The following ROCK2 variants were observed in gnomAD, a reference collection of about 807,000 sequenced individuals.
The protein encoded by ROCK2 is Rho associated coiled-coil containing protein kinase 2.
ROCK2 carries 61 observed loss-of-function variants against 195.1 expected under a neutral mutation model. The observed-to-expected ratio is 0.31, with a 90% CI of 0.25 to 0.39. The LOEUF (loss-of-function observed/expected upper bound fraction) is 0.39. Among genes scored for constraint, ROCK2 ranks in the 10% least tolerant of loss-of-function variants. The probability of loss-of-function intolerance (pLI) is 1.00; values close to 1 mark genes in which losing one functional copy is unlikely to be tolerated. For missense variants in ROCK2, 1,109 were observed against 1,637.4 expected, an observed-to-expected ratio of 0.68 and a Z score of 5.57; for synonymous variants, 504 against 545.5, an observed-to-expected ratio of 0.92 and a Z score of 1.06.
intron 3 of ROCK2, among the ~76,000 whole-genome samples, chr2:11,283,504 T>C (rs1667082831): frequency 7.4e-6 from 1 of 135,672 alleles, no homozygotes. Flanking sequence ...GAGCTTGCAG[T>C]GAGCCGAGAT....
chr2:11,312,254 C>T (rs112484140), intron 1 of ROCK2, among the ~76,000 whole-genome samples: 2,055 of 152,124 alleles, frequency 0.014, 41 homozygotes, highest in African/African-American at 0.047. Context: ...CTCTAAGCTT[C>T]GTTTTAAAAA....
chr2:11,287,717 AC>A lies in ROCK2; in HGVS notation c.160del (p.Val54SerfsTer4). 1 of 1,328,028 alleles carries A rather than the reference AC, an allele frequency of 7.5e-7. No individual in the cohort carries two copies. 82.3% of individuals were successfully genotyped at this position (1,328,028 alleles called of 1,614,324 possible). On this transcript the variant is annotated frameshift_variant, in exon 2 of 33. Transcript: ENST00000315872. LOFTEE classifies it high-confidence loss of function. ...CAAAGCAGGAAAATCTAAATCAAGGACCAAGGAATTTAAGCCATCCTGTTAA... is the reference window on the plus strand; with the variant it reads ...CAAAGCAGGAAAATCTAAATCAAGGACAAGGAATTTAAGCCATCCTGTTAA... Reference protein sequence around the residue: ...ESLLDGLNSLVLDLDFPALRK... With the variant: ...ESLLDGLNSLXLDLDFPALRK...
intron 23 of ROCK2, 102 bp downstream of exon 23, chr2:11,200,855 T>C: frequency 1.0e-6 from 1 of 1,001,522 alleles, no homozygotes; most frequent in Non-Finnish European, 1.4e-6. Context: ...AGTCAGCATA[T>C]ATAATTTTTC....
In ROCK2 at chr2:11,285,891, C is replaced by A. The variant is rs545588877; in HGVS notation, c.324+648G>T. On this transcript the variant is annotated intron_variant, in intron 3 of 32. Transcript: ENST00000315872. ...GCAATGAAAGGAAAAAAAAGTCTATCATGACTTGTTCTTAACAAAATCCAT... is the reference window on the plus strand; with the variant it reads ...GCAATGAAAGGAAAAAAAAGTCTATAATGACTTGTTCTTAACAAAATCCAT... Among the ~76,000 whole-genome samples, 22 of 152,108 alleles carry A rather than the reference C, an allele frequency of 1.4e-4. No individual in the cohort carries two copies. In the East Asian group the frequency reaches 4.3e-3, roughly 30 times the overall value.
chr2:11,282,235 C>T (rs2148185588), intron 3 of ROCK2, among the ~76,000 whole-genome samples: 1 of 152,118 alleles, frequency 6.6e-6, no homozygotes, highest in East Asian at 1.9e-4. Flanking sequence ...CTTGTAGTCC[C>T]AGCTACTCGA....
At chr2:11,214,321 C>A (rs2148064422) in intron 17 of ROCK2, 36 bp downstream of exon 17, 1 of 1,219,520 alleles carries the variant, frequency 8.2e-7, no homozygotes, top group Non-Finnish European at 1.2e-6. Context: ...AGTCTACTGT[C>A]AATTTTCTTA....
intron 11 of ROCK2, 199 bp downstream of exon 11, chr2:11,218,256 A>G: frequency 2.5e-6 from 1 of 396,958 alleles, no homozygotes; most frequent in East Asian, 3.7e-5. Context: ...GATAAATAAA[A>G]ACAAAATTAC....
intron 1 of ROCK2, among the ~76,000 whole-genome samples, chr2:11,339,983 A>G (rs1472805345): frequency 6.6e-6 from 1 of 152,218 alleles, no homozygotes; most frequent in East Asian, 1.9e-4. Flanking sequence ...TCAAAATGGG[A>G]AAAAGAGGGC....
chr2:11,297,123 T>C (rs1384899515), intron 1 of ROCK2, among the ~76,000 whole-genome samples: 1 of 152,128 alleles, frequency 6.6e-6, no homozygotes, highest in Non-Finnish European at 1.5e-5. Flanking sequence ...TTGTCAAAGT[T>C]ATATTAACCA....
At chr2:11,219,157 A>C in intron 9 of ROCK2, 131 bp from the exon 10 acceptor site, 1 of 448,698 alleles carries the variant, frequency 2.2e-6, no homozygotes, top group Non-Finnish European at 4.1e-6. Flanking sequence ...ATTATTTACA[A>C]ATGAAGCAAT....
chr2:11,330,742 GAGGA>G (rs1558399573), intron 1 of ROCK2, among the ~76,000 whole-genome samples: 3 of 26,558 alleles, frequency 1.1e-4, no homozygotes, highest in Admixed American at 4.8e-4. Context: ...GATGAGGAGG[GAGGA>G]GGGAGGAGGA....
At chr2:11,237,168 AT>A (rs1665239440) in intron 4 of ROCK2, among the ~76,000 whole-genome samples, 1 of 152,188 alleles carries the variant, frequency 6.6e-6, no homozygotes, top group Admixed American at 6.5e-5. Flanking sequence ...AAAACAAAAA[AT>A]ATATGTAAAA....
intron 3 of ROCK2, among the ~76,000 whole-genome samples, chr2:11,264,302 A>G (rs1215823109): frequency 6.6e-6 from 1 of 152,232 alleles, no homozygotes. Flanking sequence ...GAGTGGCCTG[A>G]TGAAGGTGAT....
intron 1 of ROCK2, among the ~76,000 whole-genome samples, chr2:11,317,199 CA>C (rs1478625966): frequency 2.0e-5 from 3 of 151,770 alleles, no homozygotes; most frequent in Non-Finnish European, 4.4e-5. Context: ...TGATAAGAAA[CA>C]AAAGAAATAA....
At chr2:11,202,516 G>A (rs933326008) in intron 20 of ROCK2, among the ~76,000 whole-genome samples, 1 of 150,990 alleles carries the variant, frequency 6.6e-6, no homozygotes, top group Admixed American at 6.6e-5. Context: ...TTTTGTTTTT[G>A]AGACGGAGTC....
intron 1 of ROCK2, among the ~76,000 whole-genome samples, chr2:11,338,890 A>T (rs1349686195): frequency 2.0e-5 from 3 of 149,800 alleles, no homozygotes; most frequent in Non-Finnish European, 3.0e-5. Flanking sequence ...AGTATAGAAG[A>T]AGTCAAAGTA....
At chr2:11,186,419 C>T (rs372817071) in intron 32 of ROCK2, among the ~76,000 whole-genome samples, 3 of 152,194 alleles carry the variant, frequency 2.0e-5, no homozygotes, top group African/African-American at 7.2e-5. Flanking sequence ...TCGCTAGATG[C>T]GACTGTAGTG....
rs762698719 is a variant in ROCK2, at chr2:11,197,316, T to C, written c.3312A>G (p.Glu1104=). The C allele has an allele frequency of 1.2e-6, 2 of 1,613,622 alleles. No homozygotes were observed. Among genetic ancestry groups the C allele is most frequent in the South Asian group, 2.2e-5 (2 of 90,908 alleles). The change falls in exon 27 of 33, where the codon GAA becomes GAG. Residue 1104 remains glutamate, a synonymous_variant. Transcript: ENST00000315872. The surrounding 1 kb of genome is among the most constrained non-coding windows in gnomAD (Gnocchi z 4.9). ...QIAEESQIRI[E]LQMTLDSKDS... is the part of the protein sequence containing the mutation. ...CTTTACTGTCCAATGTCATCTGCAG[T>C]TCAATTCGAATCTGGCTCTCTTCAG...
chr2:11,193,582 T>G (rs1290549932), intron 30 of ROCK2, among the ~76,000 whole-genome samples, 197 bp downstream of exon 30: 1 of 152,016 alleles, frequency 6.6e-6, no homozygotes, highest in Non-Finnish European at 1.5e-5. Flanking sequence ...GAGAAAGGAA[T>G]GAAAACGTTC....
Sources: allele counts gnomAD v4.1 joint callset (sites outside exome capture counted in the v4.1 genomes callset), GRCh38; gene constraint gnomAD v4.1.1; non-coding constraint Gnocchi (gnomAD v3.1); transcripts MANE v1.5; gene names NCBI Gene and HGNC (gene_info 2026-07-23, HGNC 2026-07-21).